Variants in CEP350 observed in about 807,000 individuals in gnomAD.
CEP350 encodes centrosomal protein 350, also known as centrosome-associated protein 350.
In CEP350, 126 loss-of-function variants were observed where a neutral mutation model predicts 331.8. The ratio of observed to expected loss-of-function variants is 0.38; its 90% CI spans 0.33 to 0.44. The LOEUF is 0.44. CEP350 is among the 20% of genes least tolerant of loss of function. CEP350 has a pLI of 1.00. For synonymous variants in CEP350, 1,200 were observed against 1,259.5 expected (o/e 0.95, Z 1.00); for missense variants, 3,406 against 3,634.6 (o/e 0.94, Z 1.62).
At chr1:180,041,563 A>G in intron 18 of CEP350, 99 bp from the exon 19 acceptor site, 1 of 1,201,462 alleles carries the variant, frequency 8.3e-7, no homozygotes, top group East Asian at 2.6e-5. Flanking sequence ...AGTGTTTTTT[A>G]CTATGAATAA....
rs189238263 is a variant in CEP350, at chr1:180,084,779, G to A, written c.6285+601G>A. 1.3e-3 allele frequency among the ~76,000 whole-genome samples: 202 copies of A among 152,212 alleles called. 1 individual carries two copies. The highest frequency in any genetic ancestry group is 4.6e-3 in the African/African-American group (193 of 41,522). On this transcript the variant is annotated intron_variant, in intron 31 of 37. Transcript: ENST00000367607. ...ATACTCAGGAGGCTGAGGCAGAATT[G>A]CTTGAAGCCAGGAGTTTGAGGCTGT... is the stretch of plus-strand genomic sequence containing the variant.
At chr1:180,097,586 T>C (rs1371100692) in intron 36 of CEP350, among the ~76,000 whole-genome samples, 1 of 152,120 alleles carries the variant, frequency 6.6e-6, no homozygotes, top group Non-Finnish European at 1.5e-5. Context: ...AGTAACAAAA[T>C]AAATTATTAA....
rs547264575 is a variant in CEP350 at position 180,019,203 on chromosome 1, C to T, written c.2175-746C>T. Among the ~76,000 whole-genome samples, 95 of 152,264 alleles carry T rather than the reference C, an allele frequency of 6.2e-4. 2 individuals are homozygous for T. The South Asian group carries it at 0.015, about 24-fold the overall frequency. On this transcript the variant is annotated intron_variant, in intron 11 of 37. Transcript: ENST00000367607. ...AATAGTTGACATCATCCTGTAATCTCTCTGTAGTATCCCTTAATATAGAGG... is the reference window on the plus strand; with the variant it reads ...AATAGTTGACATCATCCTGTAATCTTTCTGTAGTATCCCTTAATATAGAGG...
intron 14 of CEP350, among the ~76,000 whole-genome samples, chr1:180,026,185 C>T (rs894586754): frequency 4.0e-5 from 6 of 151,494 alleles, no homozygotes; most frequent in East Asian, 1.9e-4. Flanking sequence ...GCAGGAGAAT[C>T]GCTTGAACCC....
rs1247716315 is a variant in CEP350 at position 180,073,673 on chromosome 1, A to G, written c.5568-1349A>G. The G allele has an allele frequency of 4.2e-6, 3 of 711,608 alleles. No individual in the cohort carries two copies. In the East Asian group the frequency reaches 2.0e-4, roughly 48 times the overall value. 44.1% of individuals were successfully genotyped at this position (711,608 alleles called of 1,614,324 possible). On this transcript the variant is annotated intron_variant, in intron 27 of 37. Transcript: ENST00000367607. ...GCCTGCTTTAACTGAGTCACTTATA[A>G]TGTTCTTCAGGAAGCATATTAAAAG...
At chr1:180,016,032 A>G (rs1654948713) in intron 11 of CEP350, 62 bp downstream of exon 11, 10 of 1,579,334 alleles carry the variant, frequency 6.3e-6, no homozygotes, top group South Asian at 3.4e-5. Context: ...GGAGTGGTCT[A>G]TGTTCAGAGA....
At chr1:180,088,034 A>G (rs1659962327) in intron 32 of CEP350, among the ~76,000 whole-genome samples, 3 of 152,168 alleles carry the variant, frequency 2.0e-5, no homozygotes, top group Non-Finnish European at 4.4e-5. Flanking sequence ...TCAGAAGTCA[A>G]AAATAAGTCT....
At chr1:180,108,937 GA>G (rs1661317117) in intron 37 of CEP350, among the ~76,000 whole-genome samples, 2 of 152,234 alleles carry the variant, frequency 1.3e-5, no homozygotes, top group South Asian at 4.2e-4. Flanking sequence ...CTTTCTAAAA[GA>G]GAAAGAATGT....
At chr1:180,104,667 G>C (rs933781743) in intron 37 of CEP350, among the ~76,000 whole-genome samples, 7 of 152,146 alleles carry the variant, frequency 4.6e-5, no homozygotes, top group Non-Finnish European at 2.9e-5. Context: ...GCTCTTTAAA[G>C]TAGCAACCTC....
chr1:180,029,611 A>G (rs1359772830), intron 14 of CEP350, among the ~76,000 whole-genome samples: 1 of 152,176 alleles, frequency 6.6e-6, no homozygotes, highest in Non-Finnish European at 1.5e-5. Context: ...TCATTCAGCA[A>G]TAACTCTCCA....
At chr1:179,969,244 C>T in intron 1 of CEP350, 1 of 511,912 alleles carries the variant, frequency 2.0e-6, no homozygotes, top group South Asian at 1.6e-5. Context: ...TCTACTTCTA[C>T]AGAGATCCTG....
chr1:179,987,271 T>G lies in CEP350; in HGVS notation c.105T>G (p.Ser35=). ...ADITTSWDAL[S]QTKAALRHIE... is the part of the protein sequence containing the mutation. The stretch of plus-strand genomic sequence containing the variant: ...TAACCACATCGTGGGATGCACTTTC[T>G]CAAACCAAGGCTGCTGTAAGTAGTT... The change falls in exon 3 of 38, where the codon TCT becomes TCG. Residue 35 remains serine, a synonymous_variant. Transcript: ENST00000367607. The G allele has an allele frequency of 1.3e-6, 2 of 1,565,496 alleles. No homozygotes were observed. The highest frequency in any genetic ancestry group is 1.8e-6 in the Non-Finnish European group (2 of 1,141,494).
chr1:180,045,333 C>T (rs889729979), intron 21 of CEP350, among the ~76,000 whole-genome samples: 1 of 151,926 alleles, frequency 6.6e-6, no homozygotes, highest in African/African-American at 2.4e-5. Flanking sequence ...CAGAGTGAGA[C>T]TCCATCTCAA....
intron 37 of CEP350, among the ~76,000 whole-genome samples, chr1:180,102,673 C>T (rs1050454396): frequency 2.6e-5 from 4 of 152,040 alleles, no homozygotes; most frequent in African/African-American, 9.7e-5. Context: ...TCATTCTGAG[C>T]TCGGTTGCAT....
intron 1 of CEP350, among the ~76,000 whole-genome samples, chr1:179,960,928 T>C (rs564732102): frequency 4.0e-4 from 61 of 152,186 alleles, no homozygotes; most frequent in African/African-American, 1.4e-3. Flanking sequence ...ATGAAAAAAA[T>C]AACTGGCATA....
chr1:179,965,672 G>T (rs1380202347), intron 1 of CEP350, among the ~76,000 whole-genome samples: 1 of 133,980 alleles, frequency 7.5e-6, no homozygotes, highest in East Asian at 2.3e-4. Context: ...CTAGGCTGGA[G>T]TGCAGTTGTG....
intron 32 of CEP350, among the ~76,000 whole-genome samples, chr1:180,089,735 T>A (rs1036579689): frequency 6.6e-6 from 1 of 152,186 alleles, no homozygotes; most frequent in Non-Finnish European, 1.5e-5. Context: ...GGCTTATGAT[T>A]TTGGTTTTAA....
chr1:180,088,019 A>G (rs989057496), intron 32 of CEP350, among the ~76,000 whole-genome samples: 5 of 152,158 alleles, frequency 3.3e-5, no homozygotes, highest in African/African-American at 9.7e-5. Flanking sequence ...CAGTTTGGCT[A>G]TGTTTCAGAA....
At chr1:180,104,120 T>C (rs1472150260) in intron 37 of CEP350, among the ~76,000 whole-genome samples, 1 of 149,554 alleles carries the variant, frequency 6.7e-6, no homozygotes, top group African/African-American at 2.4e-5. Flanking sequence ...TTTTATCTAA[T>C]ACATCTACAT....
Sources: allele counts gnomAD v4.1 joint callset (sites outside exome capture counted in the v4.1 genomes callset), GRCh38; gene constraint gnomAD v4.1.1; transcripts MANE v1.5; gene names NCBI Gene and HGNC (gene_info 2026-07-23, HGNC 2026-07-21).